The following XIRP2 variants were observed in gnomAD, a reference collection of about 807,000 sequenced individuals.
XIRP2 encodes the protein xin actin binding repeat containing 2.
In XIRP2, 236 loss-of-function variants were observed where a neutral mutation model predicts 277.0. The observed-to-expected ratio is 0.85, with a 90% CI of 0.77 to 0.95. The LOEUF is 0.95. Ranked by LOEUF, XIRP2 falls within the 40% of genes least tolerant of loss-of-function variation. The pLI, the probability that XIRP2 is intolerant of heterozygous loss-of-function variation, is 0.00. For synonymous variants in XIRP2, 1,490 were observed against 1,416.5 expected, an observed-to-expected ratio of 1.05 and a Z score of -1.17; for missense variants, 4,640 against 4,157.5, an observed-to-expected ratio of 1.12 and a Z score of -3.19.
chr2:166,981,196 T>A (rs546272417), intron 2 of XIRP2, among the ~76,000 whole-genome samples: 1 of 152,264 alleles, frequency 6.6e-6, no homozygotes, highest in African/African-American at 2.4e-5. Flanking sequence ...AATAGACATT[T>A]TTCTCAGTTC....
At chr2:167,120,737 G>T (rs1195330803) in intron 2 of XIRP2, among the ~76,000 whole-genome samples, 1 of 152,144 alleles carries the variant, frequency 6.6e-6, no homozygotes, top group African/African-American at 2.4e-5. Flanking sequence ...CAAAATCTCA[G>T]CATGACATAA....
chr2:166,998,337 T>C (rs1002604091), intron 2 of XIRP2, among the ~76,000 whole-genome samples: 1 of 152,066 alleles, frequency 6.6e-6, no homozygotes, highest in African/African-American at 2.4e-5. Context: ...TAAGTTCCTA[T>C]GTAAGAAAAC....
intron 2 of XIRP2, among the ~76,000 whole-genome samples, chr2:167,003,052 T>G (rs1687413346): frequency 6.6e-6 from 1 of 151,904 alleles, no homozygotes; most frequent in African/African-American, 2.4e-5. Context: ...TACACAGGTT[T>G]GAAGTAGAAA....
At chr2:166,980,870 A>G (rs896627722) in intron 2 of XIRP2, among the ~76,000 whole-genome samples, 1 of 152,100 alleles carries the variant, frequency 6.6e-6, no homozygotes, top group Non-Finnish European at 1.5e-5. Context: ...TTTTAGAATA[A>G]CATTTTAATT....
chr2:167,139,853 C>G (rs1346226784), intron 3 of XIRP2, among the ~76,000 whole-genome samples: 2 of 152,180 alleles, frequency 1.3e-5, no homozygotes, highest in African/African-American at 4.8e-5. Flanking sequence ...GCTAGTGCAA[C>G]TGACCAACAT....
Position 167,247,174 on chromosome 2 carries a change from T to A in XIRP2, c.5782T>A (p.Ser1928Thr). 2 of 1,613,506 alleles carry A rather than the reference T, an allele frequency of 1.2e-6. No individual in the cohort carries two copies. The highest frequency in any genetic ancestry group is 2.7e-5 in the African/African-American group (2 of 74,936). Residue 1928 changes from serine to threonine, a missense_variant, in exon 9 of 11, where the codon TCT becomes ACT. Coordinates refer to ENST00000409195, the MANE Select transcript of XIRP2 (RefSeq NM_152381.6). ...AGATGACCTGGAAACATCACTAAGG[T>A]CTTTGAAAGAAGCACAAAGAAGTTT... The part of the protein sequence containing the change: ...LKDDLETSLR[S>T]LKEAQRSFKE...
chr2:167,245,358 T>A lies in XIRP2; in HGVS notation c.3966T>A (p.Tyr1322Ter), dbSNP rs758421598. The A allele has an allele frequency of 6.2e-7, 1 of 1,613,740 alleles. No homozygotes were observed. Among genetic ancestry groups the A allele is most frequent in the Non-Finnish European group, 8.5e-7 (1 of 1,179,748 alleles). The change falls in exon 9 of 11, where the codon TAT (tyrosine) becomes TAA (stop). Residue 1322 changes from tyrosine (Y) to a stop codon, truncating the protein, a stop_gained. Coordinates refer to ENST00000409195, the MANE Select transcript of XIRP2 (RefSeq NM_152381.6). LOFTEE classifies it high-confidence loss of function. Reference protein sequence around the residue: ...YRMLFETQPLYAIQDREGSYH... With the variant: ...YRMLFETQPL ...TGCTCTTTGAAACCCAGCCACTCTA[T>A]GCAATTCAAGACCGAGAAGGGTCCT... is the stretch of plus-strand genomic sequence containing the variant.
At chr2:167,203,203 G>A (rs2105380505) in intron 3 of XIRP2, among the ~76,000 whole-genome samples, 1 of 152,220 alleles carries the variant, frequency 6.6e-6, no homozygotes, top group South Asian at 2.1e-4. Flanking sequence ...GAACATCTTT[G>A]GGGGACCGAT....
At chr2:167,085,187 C>T (rs1162412004) in intron 2 of XIRP2, among the ~76,000 whole-genome samples, 2 of 150,976 alleles carry the variant, frequency 1.3e-5, no homozygotes, top group African/African-American at 4.9e-5. Context: ...TTTCTGCCTT[C>T]ATTTCGTTAT....
rs1196300325 is a variant in XIRP2 at position 167,246,572 on chromosome 2, A to G, written c.5180A>G (p.Asn1727Ser). Residue 1727 changes from asparagine to serine, a missense_variant, in exon 9 of 11, where the codon AAT becomes AGT. Asn to Ser is a conservative substitution (Grantham distance 46). Transcript: ENST00000409195. Reference sequence around the variant, plus strand: ...AATTTATTGTCTTCCACATCAAACAATAAAATATCTGAAAGGGCTAAAATT... The same window carrying G: ...AATTTATTGTCTTCCACATCAAACAGTAAAATATCTGAAAGGGCTAAAATT... ...IHNLLSSTSN[N>S]KISERAKIDA... 2.5e-6 allele frequency: 4 copies of G among 1,613,700 alleles called. No homozygotes were observed. The highest frequency in any genetic ancestry group is 3.4e-6 in the Non-Finnish European group (4 of 1,179,856).
At chr2:166,896,241 A>C (rs1345972658) in intron 1 of XIRP2, among the ~76,000 whole-genome samples, 2 of 152,178 alleles carry the variant, frequency 1.3e-5, no homozygotes, top group African/African-American at 4.8e-5. Context: ...TTTTTCTAAA[A>C]ATATAAAAGA....
chr2:167,023,475 C>T (rs536078032), intron 2 of XIRP2, among the ~76,000 whole-genome samples: 3 of 151,892 alleles, frequency 2.0e-5, no homozygotes, highest in South Asian at 4.2e-4. Flanking sequence ...TCCCATTTGT[C>T]AATTTTGTCT....
intron 2 of XIRP2, among the ~76,000 whole-genome samples, chr2:166,998,208 C>T (rs1687276301): frequency 6.6e-6 from 1 of 152,144 alleles, no homozygotes; most frequent in Non-Finnish European, 1.5e-5. Flanking sequence ...CCACAGCACA[C>T]GTTTACCTAA....
At chr2:167,139,720 A>G (rs897834341) in intron 3 of XIRP2, among the ~76,000 whole-genome samples, 1 of 152,186 alleles carries the variant, frequency 6.6e-6, no homozygotes, top group Admixed American at 6.6e-5. Context: ...TTAAAATCAG[A>G]CATTTTAGAG....
At chr2:167,174,562 C>T (rs952475756) in intron 3 of XIRP2, among the ~76,000 whole-genome samples, 1 of 152,100 alleles carries the variant, frequency 6.6e-6, no homozygotes, top group Admixed American at 6.5e-5. Context: ...TTTCAAAAAA[C>T]AAGCTGCTGG....
At chr2:167,164,025 A>G (rs958850682) in intron 3 of XIRP2, among the ~76,000 whole-genome samples, 8 of 152,204 alleles carry the variant, frequency 5.3e-5, no homozygotes, top group Admixed American at 1.3e-4. Context: ...CTTGGTTACT[A>G]TAGCTTTATA....
intron 2 of XIRP2, among the ~76,000 whole-genome samples, chr2:166,908,435 A>G (rs1684592487): frequency 6.6e-6 from 1 of 152,178 alleles, no homozygotes; most frequent in Admixed American, 6.5e-5. Context: ...GCCTGTTCAT[A>G]TCCTTCGCCC....
chr2:167,207,535 T>A (rs1457053353), intron 3 of XIRP2, among the ~76,000 whole-genome samples: 2 of 152,174 alleles, frequency 1.3e-5, no homozygotes, highest in Non-Finnish European at 2.9e-5. Context: ...CAATGTGTGT[T>A]TTTTAAATGT....
At chr2:167,058,609 T>A (rs554151319) in intron 2 of XIRP2, among the ~76,000 whole-genome samples, 2 of 152,288 alleles carry the variant, frequency 1.3e-5, no homozygotes, top group African/African-American at 4.8e-5. Context: ...CTGGTGCCTC[T>A]CCATGTTACC....
Sources: allele counts gnomAD v4.1 joint callset (sites outside exome capture counted in the v4.1 genomes callset), GRCh38; gene constraint gnomAD v4.1.1; transcripts MANE v1.5; gene names NCBI Gene and HGNC (gene_info 2026-07-23, HGNC 2026-07-21).